The following RAD51B variants were observed in gnomAD, a reference collection of about 807,000 sequenced individuals.
RAD51B encodes the protein RAD51 paralog B, also known as DNA repair protein RAD51 homolog 2.
A neutral mutation model predicts 42.2 loss-of-function variants in RAD51B; 38 were observed. The ratio of observed to expected loss-of-function variants is 0.90; its 90% confidence interval spans 0.70 to 1.18. RAD51B has a LOEUF of 1.18. Ranked by LOEUF, RAD51B falls within the 50% of genes most tolerant of loss-of-function variation. The pLI is 0.00. For synonymous variants in RAD51B, 154 were observed against 145.2 expected (o/e 1.06, Z -0.43); for missense variants, 373 against 400.7 (o/e 0.93, Z 0.59).
chr14:68,231,120 A>G (rs988876729), intron 7 of RAD51B, among the ~76,000 whole-genome samples: 4 of 152,332 alleles, frequency 2.6e-5, no homozygotes, highest in Non-Finnish European at 5.9e-5. Context: ...TGTGGATGGT[A>G]TATTTTAATA....
intron 7 of RAD51B, among the ~76,000 whole-genome samples, chr14:67,942,144 C>T (rs889968757): frequency 6.6e-6 from 1 of 152,004 alleles, no homozygotes; most frequent in Non-Finnish European, 1.5e-5. Flanking sequence ...ATAATTATAA[C>T]AGAAATAAGT....
At chr14:68,083,624 G>C (rs2076944970) in intron 7 of RAD51B, among the ~76,000 whole-genome samples, 1 of 152,086 alleles carries the variant, frequency 6.6e-6, no homozygotes, top group Admixed American at 6.6e-5. Flanking sequence ...CATTAGAACT[G>C]ATATATATTA....
intron 7 of RAD51B, among the ~76,000 whole-genome samples, chr14:68,054,310 G>A (rs2076439881): frequency 6.6e-6 from 1 of 152,038 alleles, no homozygotes; most frequent in South Asian, 2.1e-4. Context: ...TTTTTTATGA[G>A]TGTAGGCTTT....
chr14:67,928,308 T>C (rs2044599588), intron 7 of RAD51B, among the ~76,000 whole-genome samples: 1 of 152,054 alleles, frequency 6.6e-6, no homozygotes, highest in Admixed American at 6.5e-5. Flanking sequence ...TGGACACATG[T>C]GGAGTGATTT....
At chr14:68,497,160 C>T (rs755294152) in intron 10 of RAD51B, 6 of 1,400,174 alleles carry the variant, frequency 4.3e-6, no homozygotes, top group African/African-American at 4.3e-5. Flanking sequence ...AATGTGCAAA[C>T]CTGTTCATCT....
At chr14:68,311,125 T>C (rs2081959695) in intron 8 of RAD51B, among the ~76,000 whole-genome samples, 1 of 152,162 alleles carries the variant, frequency 6.6e-6, no homozygotes, top group Admixed American at 6.5e-5. Context: ...TAAATTTTAA[T>C]AGACTACCCC....
chr14:68,582,784 A>T (rs1370736429), intron 10 of RAD51B, among the ~76,000 whole-genome samples: 1 of 152,252 alleles, frequency 6.6e-6, no homozygotes, highest in Non-Finnish European at 1.5e-5. Context: ...CTGGATAAAG[A>T]AAATGTAGCA....
chr14:68,672,966 C>A (rs1309478794), intron 11 of RAD51B, among the ~76,000 whole-genome samples: 1 of 152,212 alleles, frequency 6.6e-6, no homozygotes, highest in Non-Finnish European at 1.5e-5. Context: ...CCAGAACATT[C>A]TCTACTAGGT....
Position 68,127,604 on chromosome 14 carries a change from A to AACACACAC in RAD51B, c.757-164236_757-164229dup, listed in dbSNP as rs1158570155. ...TTCATAAATAACAATTGTACATTGT[A>AACACACAC]ACACACACACACACACACACACACA... On this transcript the variant is annotated intron_variant, in intron 7 of 10. Coordinates refer to ENST00000471583, the MANE Select transcript of RAD51B (RefSeq NM_133510.4). Among the ~76,000 whole-genome samples, 983 of 133,608 alleles carry AACACACAC rather than the reference A, an allele frequency of 7.4e-3. 11 individuals carry two copies. The highest frequency in any genetic ancestry group is 0.031 in the South Asian group (118 of 3,782). The allele number at this position is 133,608 out of a possible 152,430, so 87.7% of individuals were successfully genotyped here. A position where few individuals can be genotyped will look rare whatever the true frequency, so the allele number is the denominator to read the frequency against.
At chr14:68,523,665 C>G (rs187944684) in intron 10 of RAD51B, among the ~76,000 whole-genome samples, 93 of 152,282 alleles carry the variant, frequency 6.1e-4, no homozygotes, top group African/African-American at 2.2e-3. Flanking sequence ...TGTCTACCCT[C>G]CACTACAAGA....
intron 7 of RAD51B, among the ~76,000 whole-genome samples, chr14:68,181,638 C>G (rs1315922290): frequency 6.6e-6 from 1 of 152,150 alleles, no homozygotes; most frequent in African/African-American, 2.4e-5. Flanking sequence ...TGCAGTGTCC[C>G]TCAGATGTAA....
At chr14:68,619,403 C>T (rs540769504) in intron 10 of RAD51B, among the ~76,000 whole-genome samples, 136 of 148,764 alleles carry the variant, frequency 9.1e-4, no homozygotes, top group African/African-American at 3.3e-3. Flanking sequence ...GTGGAGCTTG[C>T]AGTGAGTGAG....
At chr14:68,337,531 T>C (rs139086501) in intron 8 of RAD51B, among the ~76,000 whole-genome samples, 1 of 152,336 alleles carries the variant, frequency 6.6e-6, no homozygotes, top group African/African-American at 2.4e-5. Flanking sequence ...TGATCTGAAA[T>C]GTCCTTTTTC....
intron 7 of RAD51B, among the ~76,000 whole-genome samples, chr14:68,097,333 G>T (rs1484059443): frequency 6.6e-6 from 1 of 151,842 alleles, no homozygotes; most frequent in Admixed American, 6.6e-5. Context: ...GGGAAATTTG[G>T]AGTCTCTAAG....
rs201859967 is a variant in RAD51B, at chr14:68,258,268, GT to G, written c.757-33615del. On this transcript the variant is annotated intron_variant, in intron 7 of 10. Coordinates refer to ENST00000471583, the MANE Select transcript of RAD51B (RefSeq NM_133510.4). Reference sequence around the variant, plus strand: ...AGTAAAACATTAGCCAGGCGTGGTGGTGTTCACTTATAGTCCCAGCTACTCA... The same window carrying G: ...AGTAAAACATTAGCCAGGCGTGGTGGGTTCACTTATAGTCCCAGCTACTCA... Among the ~76,000 whole-genome samples the G allele has an allele frequency of 2.8e-4, 43 of 152,220 alleles. No individual in the cohort carries two copies. In the East Asian group the frequency reaches 6.9e-3, roughly 25 times the overall value.
chr14:68,118,772 G>A (rs559237041), intron 7 of RAD51B, among the ~76,000 whole-genome samples: 129 of 152,082 alleles, frequency 8.5e-4, no homozygotes, highest in African/African-American at 3.0e-3. Flanking sequence ...ATAATAGCTC[G>A]TGTGTGTGTT....
rs369155233 is a variant in RAD51B, at chr14:68,136,792, CA to C, written c.757-155090del. Among the ~76,000 whole-genome samples, 16 of 67,034 alleles carry C rather than the reference CA, an allele frequency of 2.4e-4. 3 individuals are homozygous for C. Among genetic ancestry groups the C allele is most frequent in the African/African-American group, 5.0e-4 (16 of 31,826 alleles). 44.0% of individuals were successfully genotyped at this position (67,034 alleles called of 152,430 possible). A position where few individuals can be genotyped will look rare whatever the true frequency, so the allele number is the denominator to read the frequency against. ...ACAGAGGGAGACTAGATAACATGCCCAAGGTCATACAGTTAATAAGTGGCAG... is the reference window on the plus strand; with the variant it reads ...ACAGAGGGAGACTAGATAACATGCCCAGGTCATACAGTTAATAAGTGGCAG... On this transcript the variant is annotated intron_variant, in intron 7 of 10. Transcript: ENST00000471583.
At chr14:68,330,490 T>G (rs1452447412) in intron 8 of RAD51B, among the ~76,000 whole-genome samples, 1 of 152,194 alleles carries the variant, frequency 6.6e-6, no homozygotes, top group Non-Finnish European at 1.5e-5. Flanking sequence ...AGATTTTTCT[T>G]CACTAAGATT....
intron 8 of RAD51B, among the ~76,000 whole-genome samples, chr14:68,390,958 T>C (rs1342253083): frequency 1.3e-5 from 2 of 152,206 alleles, no homozygotes; most frequent in Non-Finnish European, 2.9e-5. Flanking sequence ...GCTGAGAGTA[T>C]TGATTCATTC....
Sources: gnomAD v4.1 joint callset for allele counts (sites outside exome capture counted in the v4.1 genomes callset) on GRCh38, gnomAD v4.1.1 for gene constraint, MANE v1.5 for transcripts, NCBI Gene and HGNC (gene_info 2026-07-23, HGNC 2026-07-21) for gene names.